CDH2: variants seen among roughly 807,000 people sequenced by gnomAD.
CDH2 encodes the protein cadherin 2.
CDH2 carries 17 observed loss-of-function variants against 92.0 expected under a neutral mutation model. The ratio of observed to expected loss-of-function variants is 0.18; its 90% CI spans 0.13 to 0.28. CDH2 has a LOEUF of 0.28. CDH2 is among the 10% of genes least tolerant of loss of function. The pLI is 1.00. For synonymous variants in CDH2, 419 were observed against 415.9 expected, an observed-to-expected ratio of 1.01 and a Z score of -0.09; for missense variants, 862 against 1,133.1, an observed-to-expected ratio of 0.76 and a Z score of 3.44.
intron 5 of CDH2, 150 bp downstream of exon 5, chr18:28,009,567 T>G: frequency 1.8e-6 from 1 of 541,948 alleles, no homozygotes; most frequent in East Asian, 3.2e-5. Context: ...ATAAAAACAA[T>G]AACATTATTA....
chr18:28,080,486 T>C (rs2014808107), intron 2 of CDH2, among the ~76,000 whole-genome samples: 1 of 152,120 alleles, frequency 6.6e-6, no homozygotes, highest in South Asian at 2.1e-4. Context: ...ATTTAATAAC[T>C]AGGTCTTTCA....
intron 2 of CDH2, among the ~76,000 whole-genome samples, chr18:28,134,310 G>C (rs980740439): frequency 6.6e-6 from 1 of 152,096 alleles, no homozygotes; most frequent in African/African-American, 2.4e-5. Context: ...GTGGCTTAAA[G>C]TATGCTGGGA....
intron 15 of CDH2, 21 bp from the exon 16 acceptor site, chr18:27,952,380 G>A: frequency 6.3e-7 from 1 of 1,593,054 alleles, no homozygotes; most frequent in Non-Finnish European, 8.6e-7. Context: ...GAAACACAAA[G>A]AATGAAAGAA....
intron 2 of CDH2, among the ~76,000 whole-genome samples, chr18:28,114,428 T>C (rs1283311547): frequency 3.9e-5 from 6 of 152,104 alleles, no homozygotes; most frequent in Non-Finnish European, 8.8e-5. Context: ...CACTATTTTT[T>C]CTATTGGTCC....
intron 1 of CDH2, among the ~76,000 whole-genome samples, chr18:28,171,409 T>C (rs2016462446): frequency 6.6e-6 from 1 of 152,080 alleles, no homozygotes; most frequent in Admixed American, 6.6e-5. Flanking sequence ...TTCTCAGTAA[T>C]ATTACACTTA....
At chr18:28,046,880 G>A (rs995157553) in intron 2 of CDH2, among the ~76,000 whole-genome samples, 1 of 152,206 alleles carries the variant, frequency 6.6e-6, no homozygotes, top group African/African-American at 2.4e-5. Context: ...AAAAGTGACA[G>A]AAGCCATGAC....
At chr18:28,154,243 C>T (rs2016172190) in intron 1 of CDH2, among the ~76,000 whole-genome samples, 1 of 152,198 alleles carries the variant, frequency 6.6e-6, no homozygotes, top group Non-Finnish European at 1.5e-5. Flanking sequence ...ATTTCTTTTG[C>T]TTTGAACAGA....
chr18:28,072,555 C>T (rs1201464484), intron 2 of CDH2, among the ~76,000 whole-genome samples: 1 of 151,846 alleles, frequency 6.6e-6, no homozygotes, highest in Non-Finnish European at 1.5e-5. Context: ...ACACTTGTAT[C>T]CTCTACAATG....
intron 2 of CDH2, among the ~76,000 whole-genome samples, chr18:28,107,405 CT>C (rs1427724088): frequency 3.3e-5 from 5 of 151,930 alleles, no homozygotes; most frequent in Non-Finnish European, 7.4e-5. Flanking sequence ...AAAATGGAAA[CT>C]GTTGAATCCG....
At chr18:28,004,535 C>T (rs779823084) in intron 6 of CDH2, among the ~76,000 whole-genome samples, 1 of 151,920 alleles carries the variant, frequency 6.6e-6, no homozygotes, top group Admixed American at 6.6e-5. Flanking sequence ...TGGTAAAATG[C>T]ATCATAAATA....
At chr18:28,118,868 T>C (rs1462926100) in intron 2 of CDH2, among the ~76,000 whole-genome samples, 1 of 152,036 alleles carries the variant, frequency 6.6e-6, no homozygotes, top group Non-Finnish European at 1.5e-5. Context: ...GGAAACAACA[T>C]ATATAATTAC....
At chr18:28,011,781 A>G in intron 4 of CDH2, 65 bp downstream of exon 4, 1 of 1,477,166 alleles carries the variant, frequency 6.8e-7, no homozygotes, top group Non-Finnish European at 9.3e-7. Context: ...AAAAAAATAG[A>G]CAGAAATATT....
intron 5 of CDH2, among the ~76,000 whole-genome samples, chr18:28,008,241 C>T (rs987556366): frequency 6.6e-6 from 1 of 152,110 alleles, no homozygotes; most frequent in Non-Finnish European, 1.5e-5. Context: ...ATATTGTGTG[C>T]TATCTAAAAA....
chr18:28,118,979 A>T (rs1241706640), intron 2 of CDH2, among the ~76,000 whole-genome samples: 1 of 152,118 alleles, frequency 6.6e-6, no homozygotes, highest in African/African-American at 2.4e-5. Flanking sequence ...TTGCTCCCTG[A>T]CATGTCCTAT....
chr18:28,127,932 A>G (rs542139257), intron 2 of CDH2, among the ~76,000 whole-genome samples: 4 of 152,350 alleles, frequency 2.6e-5, no homozygotes, highest in East Asian at 1.9e-4. Flanking sequence ...AAGCTAACCT[A>G]TCAAATATTA....
chr18:28,048,528 T>A (rs1271200174), intron 2 of CDH2, among the ~76,000 whole-genome samples: 1 of 152,142 alleles, frequency 6.6e-6, no homozygotes, highest in Admixed American at 6.5e-5. Flanking sequence ...TTGATATGGG[T>A]CAAATGCTCC....
downstream of CDH2, among the ~76,000 whole-genome samples, chr18:27,946,289 T>C (rs892540951): frequency 6.6e-6 from 1 of 152,050 alleles, no homozygotes; most frequent in Non-Finnish European, 1.5e-5. Flanking sequence ...ATAAAGCTGG[T>C]TCTCTTAATA....
At chr18:28,101,347 C>T (rs369303757) in intron 2 of CDH2, among the ~76,000 whole-genome samples, 1 of 152,078 alleles carries the variant, frequency 6.6e-6, no homozygotes, top group African/African-American at 2.4e-5. Context: ...ATCAGTCATA[C>T]GACCCCTGTA....
At chr18:28,020,743 C>A (rs1454846084) in intron 2 of CDH2, among the ~76,000 whole-genome samples, 1 of 151,920 alleles carries the variant, frequency 6.6e-6, no homozygotes, top group Non-Finnish European at 1.5e-5. Flanking sequence ...ATACATAACA[C>A]CATGTTTTTG....
Sources: allele counts gnomAD v4.1 joint callset (sites outside exome capture counted in the v4.1 genomes callset), GRCh38; gene constraint gnomAD v4.1.1; transcripts MANE v1.5; gene names NCBI Gene and HGNC (gene_info 2026-07-23, HGNC 2026-07-21).